Variants in CDH7 observed in about 807,000 individuals in gnomAD.
The protein encoded by CDH7 is cadherin 7.
In CDH7, 25 loss-of-function variants were observed where a neutral mutation model predicts 71.8. That is an observed-to-expected ratio of 0.35 (90% CI 0.25 to 0.49). The LOEUF is 0.49. CDH7 is among the 20% of genes least tolerant of loss of function. The probability of loss-of-function intolerance (pLI) is 0.99; values close to 1 mark genes in which losing one functional copy is unlikely to be tolerated. For synonymous variants in CDH7, 381 were observed against 363.8 expected, an observed-to-expected ratio of 1.05 and a Z score of -0.54; for missense variants, 862 against 974.6, an observed-to-expected ratio of 0.88 and a Z score of 1.54.
At chr18:65,846,661 G>A (rs1237921256) in intron 7 of CDH7, among the ~76,000 whole-genome samples, 1 of 151,892 alleles carries the variant, frequency 6.6e-6, no homozygotes, top group Admixed American at 6.6e-5. Context: ...TTTATAATTT[G>A]TTGCATATGC....
chr18:65,885,866 TTAAGG>T lies in CDH7; in HGVS notation c.*4978_*4982del, dbSNP rs1281047801. On this transcript the variant is annotated 3_prime_UTR_variant, in exon 12 of 12. Coordinates refer to ENST00000397968, the MANE Select transcript of CDH7 (RefSeq NM_004361.5). ...ATTTGCTGTAACAATCTAATTTATA[TTAAGG>T]TAAGGATTTTGGTGGCTAAGGAAAG... 3.3e-5 allele frequency: 5 copies of T among 152,170 alleles called. No homozygotes were observed. Among genetic ancestry groups the T allele is most frequent in the Non-Finnish European group, 5.9e-5 (4 of 68,022 alleles). The allele number at this position is 152,170 out of a possible 1,614,324, so 9.4% of individuals were successfully genotyped here. A position where few individuals can be genotyped will look rare whatever the true frequency, so the allele number is the denominator to read the frequency against.
rs72393865 is a variant in CDH7, at chr18:65,784,113, A to ATTT, written c.210+21078_210+21080dup. 3.2e-3 allele frequency among the ~76,000 whole-genome samples: 338 copies of ATTT among 106,756 alleles called. 5 individuals are homozygous for ATTT. The highest frequency in any genetic ancestry group is 0.019 in the Middle Eastern group (3 of 160). The allele number at this position is 106,756 out of a possible 152,430, so 70.0% of individuals were successfully genotyped here. A position where few individuals can be genotyped will look rare whatever the true frequency, so the allele number is the denominator to read the frequency against. On this transcript the variant is annotated intron_variant, in intron 2 of 11. Transcript: ENST00000397968. The stretch of plus-strand genomic sequence containing the variant: ...AACACAGGCATTACCACCCACAGCT[A>ATTT]TTTTTTTTTTTTTTTTTTTGTAGAG...
chr18:65,851,295 A>G (rs1027850294), intron 7 of CDH7, among the ~76,000 whole-genome samples: 1 of 152,092 alleles, frequency 6.6e-6, no homozygotes, highest in Non-Finnish European at 1.5e-5. Context: ...GCACATATCG[A>G]CAAACTTTAT....
Position 65,762,832 on chromosome 18 carries a change from A to G in CDH7, c.-11A>G, listed in dbSNP as rs766577048. 3 of 1,455,788 alleles carry G rather than the reference A, an allele frequency of 2.1e-6. No homozygotes were observed. Among genetic ancestry groups the G allele is most frequent in the Non-Finnish European group, 1.9e-6 (2 of 1,070,954 alleles). 90.2% of individuals were successfully genotyped at this position (1,455,788 alleles called of 1,614,324 possible). On this transcript the variant is annotated 5_prime_UTR_variant, in exon 2 of 12. Transcript: ENST00000397968. ...TTTTTCTTACACAGGAAAAAGAAAG[A>G]AAAAAAAAAGATGAAGTTGGGCAAA...
intron 11 of CDH7, among the ~76,000 whole-genome samples, chr18:65,866,767 A>C (rs1438084386): frequency 6.6e-6 from 1 of 152,104 alleles, no homozygotes; most frequent in African/African-American, 2.4e-5. Context: ...CTTTATCTCT[A>C]TCTGTATTCT....
rs570606092 is a variant in CDH7 at position 65,762,268 on chromosome 18, G to A, written c.-196-379G>A. ...TTTGCTTTCACATTCTAATACCAACGAATGAAAATCACTGTAATATAAAAG... is the reference window on the plus strand; with the variant it reads ...TTTGCTTTCACATTCTAATACCAACAAATGAAAATCACTGTAATATAAAAG... On this transcript the variant is annotated intron_variant, in intron 1 of 11. Transcript: ENST00000397968. 5.3e-5 allele frequency among the ~76,000 whole-genome samples: 8 copies of A among 151,818 alleles called. No homozygotes were observed. In the East Asian group the frequency reaches 1.4e-3, roughly 26 times the overall value.
intron 2 of CDH7, among the ~76,000 whole-genome samples, chr18:65,775,455 G>A (rs1477578534): frequency 2.0e-5 from 3 of 152,148 alleles, no homozygotes; most frequent in African/African-American, 2.4e-5. Flanking sequence ...GTTAATAATA[G>A]TGGTACATAT....
chr18:65,875,063 A>G (rs1310335495), intron 11 of CDH7, among the ~76,000 whole-genome samples: 2 of 152,156 alleles, frequency 1.3e-5, no homozygotes, highest in African/African-American at 4.8e-5. Context: ...ATATATTATG[A>G]AATATTTTTG....
chr18:65,771,694 G>A (rs914213748), intron 2 of CDH7, among the ~76,000 whole-genome samples: 5 of 150,666 alleles, frequency 3.3e-5, no homozygotes, highest in East Asian at 1.9e-4. Flanking sequence ...AAAAAAAACA[G>A]TATTAGAAAA....
At chr18:65,824,047 T>TC (rs1555686376) in intron 5 of CDH7, among the ~76,000 whole-genome samples, 1 of 151,050 alleles carries the variant, frequency 6.6e-6, no homozygotes, top group African/African-American at 2.4e-5. Context: ...TTTTTTTTTT[T>TC]CAGTTCAACT....
At chr18:65,779,077 TGTTTG>T (rs796563902) in intron 2 of CDH7, among the ~76,000 whole-genome samples, 80 of 146,352 alleles carry the variant, frequency 5.5e-4, no homozygotes, top group African/African-American at 1.9e-3. Flanking sequence ...ACTGTTTGTT[TGTTTG>T]TTTTTTTTAA....
At chr18:65,767,497 C>G (rs1916412717) in intron 2 of CDH7, among the ~76,000 whole-genome samples, 1 of 152,138 alleles carries the variant, frequency 6.6e-6, no homozygotes, top group African/African-American at 2.4e-5. Context: ...GCAAAATCTA[C>G]AGTTTATAGA....
intron 5 of CDH7, among the ~76,000 whole-genome samples, chr18:65,822,732 G>A (rs540077453): frequency 6.6e-6 from 1 of 151,958 alleles, no homozygotes; most frequent in African/African-American, 2.4e-5. Flanking sequence ...TATACACACT[G>A]AACATTCCTT....
chr18:65,815,578 G>A (rs550268016), intron 4 of CDH7, among the ~76,000 whole-genome samples: 45 of 152,076 alleles, frequency 3.0e-4, no homozygotes, highest in Non-Finnish European at 5.1e-4. Context: ...GAGAATGACC[G>A]TTGTAATGTG....
intron 2 of CDH7, among the ~76,000 whole-genome samples, chr18:65,801,163 A>G (rs564016491): frequency 3.3e-5 from 5 of 152,266 alleles, no homozygotes; most frequent in African/African-American, 1.2e-4. Context: ...TCTGGTTTTC[A>G]TCCACAAGTC....
chr18:65,761,208 G>A lies in CDH7; in HGVS notation c.-196-1439G>A, dbSNP rs780857832. Among the ~76,000 whole-genome samples the A allele has an allele frequency of 7.2e-5, 11 of 152,110 alleles. No individual in the cohort carries two copies. In the South Asian group the frequency reaches 8.3e-4, roughly 11 times the overall value. ...CCCTCTGGAATATCAAAACTTTATA[G>A]ATATATATTTTTAAATGTATGCATT... On this transcript the variant is annotated intron_variant, in intron 1 of 11. Coordinates refer to ENST00000397968, the MANE Select transcript of CDH7 (RefSeq NM_004361.5).
intron 2 of CDH7, among the ~76,000 whole-genome samples, chr18:65,768,066 T>C (rs972214512): frequency 1.3e-5 from 2 of 152,198 alleles, no homozygotes; most frequent in Admixed American, 1.3e-4. Context: ...GTACTCTAGA[T>C]TGGGCTCCAC....
chr18:65,856,727 G>C (rs918390083), intron 7 of CDH7, among the ~76,000 whole-genome samples: 3 of 151,992 alleles, frequency 2.0e-5, no homozygotes, highest in African/African-American at 7.3e-5. Flanking sequence ...TCGTTCATTT[G>C]TTCGTTTAAT....
At chr18:65,819,217 T>C (rs1423530002) in intron 4 of CDH7, among the ~76,000 whole-genome samples, 1 of 152,156 alleles carries the variant, frequency 6.6e-6, no homozygotes, top group Non-Finnish European at 1.5e-5. Context: ...CCTAGAAATT[T>C]CAAAATAATC....
Sources: allele counts gnomAD v4.1 joint callset (sites outside exome capture counted in the v4.1 genomes callset), GRCh38; gene constraint gnomAD v4.1.1; transcripts MANE v1.5; gene names NCBI Gene and HGNC (gene_info 2026-07-23, HGNC 2026-07-21).